SGK1: variants seen among roughly 807,000 people sequenced by gnomAD.
The protein encoded by SGK1 is serine/threonine-protein kinase Sgk1.
SGK1 carries 26 observed loss-of-function variants against 64.2 expected under a neutral mutation model. That is an observed-to-expected ratio of 0.40 (90% CI 0.30 to 0.56). The LOEUF is 0.56. Ranked by LOEUF, SGK1 falls within the 20% of genes least tolerant of loss-of-function variation. The pLI, the probability that SGK1 is intolerant of heterozygous loss-of-function variation, is 0.38. For synonymous variants in SGK1, 265 were observed against 239.7 expected (o/e 1.11, Z -0.98); for missense variants, 519 against 645.6 (o/e 0.80, Z 2.12).
At chr6:134,195,056 T>C (rs1332441041) in intron 3 of SGK1, among the ~76,000 whole-genome samples, 1 of 152,222 alleles carries the variant, frequency 6.6e-6, no homozygotes, top group Non-Finnish European at 1.5e-5. Context: ...ATTTCATATT[T>C]TCCTTGTATT....
At chr6:134,252,020 G>C (rs1776613268) in intron 2 of SGK1, among the ~76,000 whole-genome samples, 1 of 152,196 alleles carries the variant, frequency 6.6e-6, no homozygotes, top group Non-Finnish European at 1.5e-5. Flanking sequence ...GTCTCCCAAA[G>C]TGTTGCGATA....
chr6:134,295,518 T>A (rs955411789), intron 1 of SGK1, among the ~76,000 whole-genome samples: 1 of 151,986 alleles, frequency 6.6e-6, no homozygotes, highest in African/African-American at 2.4e-5. Flanking sequence ...AGCCTGGCCA[T>A]CATGGCGAAA....
intron 1 of SGK1, among the ~76,000 whole-genome samples, chr6:134,289,899 A>T (rs1777238601): frequency 6.6e-6 from 1 of 152,158 alleles, no homozygotes; most frequent in Non-Finnish European, 1.5e-5. Flanking sequence ...TTGTAATCCC[A>T]GCACTTTGGG....
At position 134,207,449 on chromosome 6, in the gene SGK1, A is replaced by G; in HGVS notation, c.286-18T>C. On this transcript the variant is annotated intron_variant, in intron 2 of 13. Transcript: ENST00000367858. ...TCTCTCACCTTTAAAACATAAAGAG[A>G]AAAGAAGTGATATAAAAATGGCTTC... The G allele has an allele frequency of 6.4e-7, 1 of 1,562,400 alleles. No individual in the cohort carries two copies. Among genetic ancestry groups the G allele is most frequent in the South Asian group, 1.1e-5 (1 of 89,052 alleles).
intron 10 of SGK1, chr6:134,171,936 T>C (rs1775041036): frequency 1.6e-6 from 1 of 618,446 alleles, no homozygotes. Context: ...TGCTGGGCAC[T>C]TGATATCTCT....
At chr6:134,247,103 T>C (rs1776536650) in intron 2 of SGK1, among the ~76,000 whole-genome samples, 1 of 152,152 alleles carries the variant, frequency 6.6e-6, no homozygotes, top group African/African-American at 2.4e-5. Context: ...CTGTCCCTTC[T>C]ATGCCCCAGT....
At chr6:134,174,833 G>T (rs375117971) in intron 3 of SGK1, 1 of 1,613,698 alleles carries the variant, frequency 6.2e-7, no homozygotes, top group Non-Finnish European at 8.5e-7. Flanking sequence ...ACAGAAAGAC[G>T]TTAGCGCTCA....
At chr6:134,174,317 C>A in intron 4 of SGK1, 194 bp downstream of exon 4, 1 of 607,492 alleles carries the variant, frequency 1.6e-6, no homozygotes, top group South Asian at 2.1e-5. Flanking sequence ...ATTTATCTTA[C>A]ATCTCCAGTT....
chr6:134,174,997 C>T, intron 3 of SGK1: 1 of 1,182,044 alleles, frequency 8.5e-7, no homozygotes. Flanking sequence ...TTGCTGGCGG[C>T]TACGCTGCCT....
At chr6:134,311,866 T>G (rs1339648775) in intron 1 of SGK1, among the ~76,000 whole-genome samples, 7 of 152,166 alleles carry the variant, frequency 4.6e-5, no homozygotes, top group Admixed American at 4.6e-4. Context: ...CAAACATATC[T>G]TGAAAAAATC....
At chr6:134,287,750 GTT>G (rs1777207939) in intron 1 of SGK1, among the ~76,000 whole-genome samples, 1 of 152,042 alleles carries the variant, frequency 6.6e-6, no homozygotes, top group Non-Finnish European at 1.5e-5. Flanking sequence ...TGAATTGTGT[GTT>G]TTTGTATTTA....
chr6:134,241,556 A>C (rs541222194), intron 2 of SGK1, among the ~76,000 whole-genome samples: 2 of 152,204 alleles, frequency 1.3e-5, no homozygotes, highest in Non-Finnish European at 2.9e-5. Flanking sequence ...GTGCACACCC[A>C]AATGCAGGCT....
chr6:134,229,740 CTTTG>C (rs570174722), intron 2 of SGK1, among the ~76,000 whole-genome samples: 66 of 152,248 alleles, frequency 4.3e-4, no homozygotes, highest in African/African-American at 1.1e-3. Context: ...GTGAGTTCCT[CTTTG>C]TTTGTGTGTG....
rs115056621 is a variant in SGK1 at position 134,199,031 on chromosome 6, G to A, written c.361+8325C>T. Reference sequence around the variant, plus strand: ...TTCCTTAGTAGCTGGGACCATACGTGCAAGCCACCACACCCAGCTTGAGCT... The same window carrying A: ...TTCCTTAGTAGCTGGGACCATACGTACAAGCCACCACACCCAGCTTGAGCT... On this transcript the variant is annotated intron_variant, in intron 3 of 13. Transcript: ENST00000367858. Among the ~76,000 whole-genome samples, 1,314 of 152,058 alleles carry A rather than the reference G, an allele frequency of 8.6e-3. 17 individuals are homozygous for A. The highest frequency in any genetic ancestry group is 0.029 in the African/African-American group (1,187 of 41,452).
intron 1 of SGK1, among the ~76,000 whole-genome samples, chr6:134,265,443 A>G (rs1340040308): frequency 2.0e-5 from 3 of 151,322 alleles, no homozygotes; most frequent in Non-Finnish European, 4.4e-5. Flanking sequence ...CTGGGCAACA[A>G]GAGTGAAAAC....
intron 2 of SGK1, among the ~76,000 whole-genome samples, chr6:134,217,669 A>C (rs1340333495): frequency 2.0e-5 from 3 of 152,204 alleles, no homozygotes; most frequent in Non-Finnish European, 4.4e-5. Flanking sequence ...GGATAGCAGG[A>C]GTCTGGTCAA....
intron 1 of SGK1, among the ~76,000 whole-genome samples, chr6:134,292,108 A>G (rs1317237822): frequency 6.6e-6 from 1 of 151,968 alleles, no homozygotes; most frequent in Non-Finnish European, 1.5e-5. Flanking sequence ...GTTTTTTGAC[A>G]CATATTATGG....
At chr6:134,282,703 T>C (rs942997482) in intron 1 of SGK1, among the ~76,000 whole-genome samples, 3 of 151,650 alleles carry the variant, frequency 2.0e-5, no homozygotes, top group Admixed American at 1.3e-4. Flanking sequence ...TGGGTGGTCC[T>C]TATCTAATCA....
In SGK1 at chr6:134,233,653, C is replaced by G. The variant is rs1348887894; in HGVS notation, c.286-26222G>C. Among the ~76,000 whole-genome samples, 4 of 152,124 alleles carry G rather than the reference C, an allele frequency of 2.6e-5. No homozygotes were observed. In the East Asian group the frequency reaches 7.7e-4, roughly 29 times the overall value. On this transcript the variant is annotated intron_variant, in intron 2 of 13. Transcript: ENST00000367858. The stretch of plus-strand genomic sequence containing the variant: ...ATATGTTGTAATCATTTTCACCCTG[C>G]TTTCCAAAAAGAAAAAGAAGAAAAA...
Sources: gnomAD v4.1 joint callset for allele counts (sites outside exome capture counted in the v4.1 genomes callset) on GRCh38, gnomAD v4.1.1 for gene constraint, MANE v1.5 for transcripts, NCBI Gene and HGNC (gene_info 2026-07-23, HGNC 2026-07-21) for gene names.